Variants in XG observed in about 807,000 individuals in gnomAD.
The protein encoded by XG is glycoprotein Xg.
In XG, 24 loss-of-function variants were observed where a neutral mutation model predicts 25.7. The ratio of observed to expected loss-of-function variants is 0.93; its 90% CI spans 0.68 to 1.31. XG has a LOEUF of 1.31. Among genes scored for constraint, XG ranks in the 40% most tolerant of loss-of-function variants. XG has a pLI of 0.00. For synonymous variants in XG, 77 were observed against 69.2 expected (o/e 1.11, Z -0.56); for missense variants, 181 against 187.6 (o/e 0.96, Z 0.21).
chrX:2,792,360 G>A (rs889317498), intron 5 of XG, among the ~76,000 whole-genome samples: 4 of 110,047 alleles, frequency 3.6e-5, no homozygotes, highest in Admixed American at 2.9e-4. Flanking sequence ...TTTGAGTCAG[G>A]GACTTGCTTG....
intron 1 of XG, among the ~76,000 whole-genome samples, chrX:2,762,651 G>A (rs2050590171): frequency 6.6e-6 from 1 of 152,228 alleles, no homozygotes; most frequent in African/African-American, 2.4e-5. Context: ...GTAGAATTCA[G>A]CCCTTGGCAA....
At chrX:2,769,350 C>T (rs1187587625) in intron 1 of XG, among the ~76,000 whole-genome samples, 2 of 152,124 alleles carry the variant, frequency 1.3e-5, no homozygotes, top group Non-Finnish European at 1.5e-5. Context: ...GAGAGATTGT[C>T]CCCCCTGGAC....
At chrX:2,791,384 CA>C (rs2086836475) in intron 5 of XG, among the ~76,000 whole-genome samples, 1 of 111,376 alleles carries the variant, frequency 9.0e-6, no homozygotes, top group Non-Finnish European at 1.9e-5. Context: ...TCCTAGGGTT[CA>C]AGGCACTCCG....
At chrX:2,753,579 TTTTC>T (rs1441279718) in intron 1 of XG, among the ~76,000 whole-genome samples, 1 of 152,008 alleles carries the variant, frequency 6.6e-6, no homozygotes. Context: ...CCCATACAAC[TTTTC>T]TTTTTTTTTT....
chrX:2,809,754 T>C (rs1288923119), intron 9 of XG, among the ~76,000 whole-genome samples: 4 of 112,020 alleles, frequency 3.6e-5, no homozygotes, highest in African/African-American at 1.3e-4. Context: ...CCATGTTTCC[T>C]GGGTCTTCTT....
chrX:2,760,734 CAAAAA>C (rs60707389), intron 1 of XG, among the ~76,000 whole-genome samples: 1 of 67,824 alleles, frequency 1.5e-5, no homozygotes, highest in Non-Finnish European at 2.7e-5. Flanking sequence ...GGCTCTGTCT[CAAAAA>C]AAAAAAAAAA....
At chrX:2,772,585 A>G (rs898379051) in intron 2 of XG, among the ~76,000 whole-genome samples, 1 of 152,138 alleles carries the variant, frequency 6.6e-6, no homozygotes, top group African/African-American at 2.4e-5. Context: ...GCTCGTGGCT[A>G]TGGGGTCTCC....
At chrX:2,774,164 C>G (rs1284791946) in intron 2 of XG, among the ~76,000 whole-genome samples, 1 of 152,272 alleles carries the variant, frequency 6.6e-6, no homozygotes, top group East Asian at 1.9e-4. Flanking sequence ...CCGACTCCAC[C>G]TCCTTTGAGC....
intron 5 of XG, among the ~76,000 whole-genome samples, chrX:2,792,682 G>A (rs1490042124): frequency 9.3e-6 from 1 of 107,834 alleles, no homozygotes; most frequent in African/African-American, 3.4e-5. Flanking sequence ...TTACAGATGT[G>A]AGCCACTGAG....
chrX:2,757,940 C>G (rs1447974263), intron 1 of XG, among the ~76,000 whole-genome samples: 6 of 142,618 alleles, frequency 4.2e-5, no homozygotes, highest in Non-Finnish European at 9.0e-5. Context: ...CCACTGCACT[C>G]CAGCCTGGGT....
At chrX:2,795,030 A>T (rs1428729213) in intron 6 of XG, among the ~76,000 whole-genome samples, 1 of 110,326 alleles carries the variant, frequency 9.1e-6, no homozygotes, top group Non-Finnish European at 1.9e-5. Context: ...ATATAAATGC[A>T]TCTACATATG....
chrX:2,779,563 C>A (rs2051074903), intron 3 of XG, among the ~76,000 whole-genome samples: 1 of 152,070 alleles, frequency 6.6e-6, no homozygotes, highest in South Asian at 2.1e-4. Flanking sequence ...TTCTTCCCCG[C>A]AGACACCAAA....
chrX:2,763,874 G>T (rs1249056983), intron 1 of XG, among the ~76,000 whole-genome samples: 1 of 152,064 alleles, frequency 6.6e-6, no homozygotes, highest in Non-Finnish European at 1.5e-5. Flanking sequence ...GCACAGGGCC[G>T]GTGGACCTAA....
intron 4 of XG, among the ~76,000 whole-genome samples, chrX:2,783,780 G>T (rs1182789747): frequency 1.8e-5 from 2 of 112,702 alleles, no homozygotes; most frequent in African/African-American, 6.4e-5. Flanking sequence ...CTCGAGACCA[G>T]CCTGGCCAAC....
rs752556624 is a variant in XG, at chrX:2,774,466, G to T, written c.104-250G>T. Among the ~76,000 whole-genome samples the T allele has an allele frequency of 2.0e-5, 3 of 152,156 alleles. No individual in the cohort carries two copies. The South Asian group carries it at 6.2e-4, about 32-fold the overall frequency. On this transcript the variant is annotated intron_variant, in intron 2 of 10. Transcript: ENST00000644266. Reference sequence around the variant, plus strand: ...GCAGGTGGCTCACTTACTTGTCTTGGATGTTCTCAGCTACTTTGGCCATCC... The same window carrying T: ...GCAGGTGGCTCACTTACTTGTCTTGTATGTTCTCAGCTACTTTGGCCATCC...
At chrX:2,759,193 C>A (rs1338839211) in intron 1 of XG, among the ~76,000 whole-genome samples, 1 of 152,174 alleles carries the variant, frequency 6.6e-6, no homozygotes, top group Non-Finnish European at 1.5e-5. Context: ...GGTGTTCTCG[C>A]ATTCGGTGGG....
At chrX:2,799,281 C>G (rs2086913730) in intron 7 of XG, among the ~76,000 whole-genome samples, 1 of 111,199 alleles carries the variant, frequency 9.0e-6, no homozygotes, top group Non-Finnish European at 1.9e-5. Context: ...TCTGGTGTTC[C>G]CTTCTTTGTG....
In XG at chrX:2,782,067, T is replaced by C. The variant is rs765808739; in HGVS notation, c.129T>C (p.Asp43=). ...AGTGCAATGTTGTTTCCTCCACAGA[T>C]ATCTACCCAAAGCCAAAACCACCTT... The part of the protein sequence containing the change: ...DPEPTKKPNS[D]IYPKPKPPYY... The change falls in exon 4 of 11, where the codon GAT becomes GAC. Residue 43 remains aspartate, a splice_region_variant and synonymous_variant. Transcript: ENST00000644266. 35 of 1,211,106 alleles carry C rather than the reference T, an allele frequency of 2.9e-5. No homozygotes were observed. Among genetic ancestry groups the C allele is most frequent in the Non-Finnish European group, 3.8e-5 (34 of 894,997 alleles).
At position 2,771,005 on chromosome X, in the gene XG, C is replaced by G. The variant is rs186654263; in HGVS notation, c.103+414C>G. Among the ~76,000 whole-genome samples the G allele has an allele frequency of 2.2e-3, 330 of 152,072 alleles. 3 individuals carry two copies. Among genetic ancestry groups the G allele is most frequent in the African/African-American group, 7.6e-3 (316 of 41,500 alleles). On this transcript the variant is annotated intron_variant, in intron 2 of 10. Transcript: ENST00000644266. Reference sequence around the variant, plus strand: ...GGAACAACAGGTGTGTGCCCCCATGCCAAGCTAATTTTTTTCTTTTTTCTT... The same window carrying G: ...GGAACAACAGGTGTGTGCCCCCATGGCAAGCTAATTTTTTTCTTTTTTCTT...
Sources: allele counts gnomAD v4.1 joint callset (sites outside exome capture counted in the v4.1 genomes callset), GRCh38; gene constraint gnomAD v4.1.1; transcripts MANE v1.5; gene names NCBI Gene and HGNC (gene_info 2026-07-23, HGNC 2026-07-21).